LGMN: variants seen among roughly 807,000 people sequenced by gnomAD.
LGMN encodes legumain.
In LGMN, 36 loss-of-function variants were observed where a neutral mutation model predicts 56.8. The observed-to-expected ratio is 0.63, with a 90% CI of 0.49 to 0.84. LGMN has a LOEUF of 0.84. Ranked by LOEUF, LGMN falls within the 40% of genes least tolerant of loss-of-function variation. LGMN has a pLI of 0.00. For missense variants in LGMN, 446 were observed against 556.1 expected (o/e 0.80, Z 1.99); for synonymous variants, 199 against 210.1 (o/e 0.95, Z 0.46).
intron 2 of LGMN, among the ~76,000 whole-genome samples, chr14:92,725,412 A>G (rs1890692256): frequency 6.6e-6 from 1 of 152,010 alleles, no homozygotes; most frequent in African/African-American, 2.4e-5. Context: ...CTAGCTGGGC[A>G]TGGTGGCACA....
chr14:92,718,405 C>G (rs1890179089), intron 3 of LGMN, among the ~76,000 whole-genome samples: 1 of 152,040 alleles, frequency 6.6e-6, no homozygotes, highest in Admixed American at 6.6e-5. Flanking sequence ...GAAATCCTGT[C>G]TCTACTAAAA....
rs551018565 is a variant in LGMN at position 92,710,189 on chromosome 14, C to A, written c.820-317G>T. ...ACTGCTATTCTTTCACCAGACAGCT[C>A]TGGTCCAAGCTCTGCCTGACTGCAT... On this transcript the variant is annotated intron_variant, in intron 10 of 13. Transcript: ENST00000334869. 7.2e-5 allele frequency among the ~76,000 whole-genome samples: 11 copies of A among 152,382 alleles called. No individual in the cohort carries two copies. In the East Asian group the frequency reaches 2.1e-3, roughly 29 times the overall value.
At chr14:92,742,915 T>C (rs1231244039) in intron 1 of LGMN, 2 of 151,366 alleles carry the variant, frequency 1.3e-5, no homozygotes, top group Admixed American at 6.6e-5. Flanking sequence ...ATACCTGTGG[T>C]CCCAGCTACT....
intron 2 of LGMN, among the ~76,000 whole-genome samples, chr14:92,719,322 C>T (rs540579724): frequency 0.012 from 1,604 of 129,216 alleles, 52 homozygotes; most frequent in Middle Eastern, 0.021. Flanking sequence ...CCGCCGCCGC[C>T]GCCACCGCCA....
intron 2 of LGMN, 88 bp downstream of exon 2, chr14:92,732,561 A>C: frequency 6.8e-7 from 1 of 1,463,016 alleles, no homozygotes; most frequent in Non-Finnish European, 9.3e-7. Context: ...TGGCTTTTCA[A>C]GTCTTTTCTA....
intron 1 of LGMN, among the ~76,000 whole-genome samples, chr14:92,737,389 T>C (rs911626566): frequency 6.6e-6 from 1 of 151,678 alleles, no homozygotes; most frequent in African/African-American, 2.4e-5. Context: ...GCATGCCCAA[T>C]ACAGAACTCT....
intron 1 of LGMN, among the ~76,000 whole-genome samples, chr14:92,745,482 TAC>T (rs1891775571): frequency 6.6e-6 from 1 of 152,242 alleles, no homozygotes; most frequent in African/African-American, 2.4e-5. Context: ...TTTTCCACAT[TAC>T]AGACGAAATT....
At chr14:92,735,949 C>G (rs1008084697) in intron 1 of LGMN, among the ~76,000 whole-genome samples, 1 of 152,080 alleles carries the variant, frequency 6.6e-6, no homozygotes. Context: ...GACAAGGGCT[C>G]GCTGTGGGGC....
chr14:92,746,044 A>G (rs927656092), intron 1 of LGMN, among the ~76,000 whole-genome samples: 8 of 151,892 alleles, frequency 5.3e-5, no homozygotes, highest in Non-Finnish European at 1.5e-5. Context: ...GATGGTCTTG[A>G]TCTCCTGACG....
chr14:92,736,616 G>A (rs1313591451), intron 1 of LGMN, among the ~76,000 whole-genome samples: 1 of 151,996 alleles, frequency 6.6e-6, no homozygotes, highest in Non-Finnish European at 1.5e-5. Context: ...ATAAAATAAA[G>A]TGAACTTATT....
In LGMN at chr14:92,725,497, T is replaced by C. The variant is rs113368021; in HGVS notation, c.139-6653A>G. Among the ~76,000 whole-genome samples the C allele has an allele frequency of 5.0e-3, 757 of 152,210 alleles. 5 individuals are homozygous for C. The highest frequency in any genetic ancestry group is 0.016 in the African/African-American group (685 of 41,530). Reference sequence around the variant, plus strand: ...AGTTTGAGGTTGCAGTGAGCTATGATCACACCACCGAGCTCCAGCCTAAGT... The same window carrying C: ...AGTTTGAGGTTGCAGTGAGCTATGACCACACCACCGAGCTCCAGCCTAAGT... On this transcript the variant is annotated intron_variant, in intron 2 of 13. Coordinates refer to ENST00000334869, the MANE Select transcript of LGMN (RefSeq NM_005606.7).
At chr14:92,705,360 G>A (rs1451045548) in intron 12 of LGMN, among the ~76,000 whole-genome samples, 1 of 152,072 alleles carries the variant, frequency 6.6e-6, no homozygotes, top group Non-Finnish European at 1.5e-5. Flanking sequence ...AAATTAGCCA[G>A]GTGTGGTGGC....
intron 1 of LGMN, chr14:92,741,354 A>G (rs540097287): frequency 1.3e-5 from 2 of 152,372 alleles, no homozygotes; most frequent in East Asian, 3.9e-4. Context: ...AGCAGAGTCA[A>G]GTTCACATCC....
In LGMN at chr14:92,704,061, A is replaced by C. The variant is rs759074791; in HGVS notation, c.*258T>G. On this transcript the variant is annotated 3_prime_UTR_variant, in exon 14 of 14. Coordinates refer to ENST00000334869, the MANE Select transcript of LGMN (RefSeq NM_005606.7). ...CTCAAAACTAACAGGCAAAACAACAAACCTCCTAGAAAGCAAATATGACCC... is the reference window on the plus strand; with the variant it reads ...CTCAAAACTAACAGGCAAAACAACACACCTCCTAGAAAGCAAATATGACCC... 8 of 700,972 alleles carry C rather than the reference A, an allele frequency of 1.1e-5. No homozygotes were observed. Among genetic ancestry groups the C allele is most frequent in the Non-Finnish European group, 1.6e-5 (6 of 385,098 alleles). 43.4% of individuals were successfully genotyped at this position (700,972 alleles called of 1,614,324 possible). A position where few individuals can be genotyped will look rare whatever the true frequency, so the allele number is the denominator to read the frequency against.
At chr14:92,706,788 A>C in intron 11 of LGMN, 135 bp from the exon 12 acceptor site, 4 of 734,824 alleles carry the variant, frequency 5.4e-6, no homozygotes, top group Non-Finnish European at 7.8e-6. Context: ...GGAAATAACA[A>C]TCAATGTGCT....
chr14:92,731,968 C>A (rs1217707588), intron 2 of LGMN, among the ~76,000 whole-genome samples: 3 of 152,152 alleles, frequency 2.0e-5, no homozygotes, highest in Non-Finnish European at 4.4e-5. Flanking sequence ...CTTCTCTCTA[C>A]CTTCTGGTAG....
At chr14:92,713,988 A>G (rs1034197852) in intron 6 of LGMN, 103 bp from the exon 7 acceptor site, 8 of 872,646 alleles carry the variant, frequency 9.2e-6, no homozygotes, top group African/African-American at 8.3e-5. Context: ...CTTTTCTACC[A>G]ATCCCTAGAA....
In LGMN at chr14:92,719,323, GCCA is replaced by G. The variant is rs1474695509; in HGVS notation, c.139-482_139-480del. Among the ~76,000 whole-genome samples, 15 of 41,654 alleles carry G rather than the reference GCCA, an allele frequency of 3.6e-4. 1 individual carries two copies. Among genetic ancestry groups the G allele is most frequent in the South Asian group, 1.9e-3 (2 of 1,034 alleles). 27.3% of individuals were successfully genotyped at this position (41,654 alleles called of 152,430 possible). A position where few individuals can be genotyped will look rare whatever the true frequency, so the allele number is the denominator to read the frequency against. On this transcript the variant is annotated intron_variant, in intron 2 of 13. Coordinates refer to ENST00000334869, the MANE Select transcript of LGMN (RefSeq NM_005606.7). Reference sequence around the variant, plus strand: ...CGCCACCGCCGCCACCGCCGCCGCCGCCACCGCCACCGCCATCACCGCCACCAC... The same window carrying G: ...CGCCACCGCCGCCACCGCCGCCGCCGCCGCCACCGCCATCACCGCCACCAC...
At chr14:92,744,755 C>T (rs545258942) in intron 1 of LGMN, among the ~76,000 whole-genome samples, 1 of 152,010 alleles carries the variant, frequency 6.6e-6, no homozygotes, top group African/African-American at 2.4e-5. Context: ...ACCACCACGC[C>T]CGGCTAATTT....
Sources: allele counts gnomAD v4.1 joint callset (sites outside exome capture counted in the v4.1 genomes callset), GRCh38; gene constraint gnomAD v4.1.1; transcripts MANE v1.5; gene names NCBI Gene and HGNC (gene_info 2026-07-23, HGNC 2026-07-21).